The following TUB variants were observed in gnomAD, a reference collection of about 807,000 sequenced individuals.
TUB encodes the protein tubby protein homolog.
Under a neutral mutation model 59.7 loss-of-function variants are expected in TUB, and 33 were observed. The observed-to-expected ratio is 0.55, with a 90% confidence interval of 0.42 to 0.74. TUB has a LOEUF of 0.74. TUB is among the 30% of genes least tolerant of loss of function. The probability of loss-of-function intolerance (pLI) is 0.00; values close to 1 mark genes in which losing one functional copy is unlikely to be tolerated. For synonymous variants in TUB, 293 were observed against 256.4 expected, an observed-to-expected ratio of 1.14 and a Z score of -1.36; for missense variants, 659 against 672.0, an observed-to-expected ratio of 0.98 and a Z score of 0.21.
intron 2 of TUB, among the ~76,000 whole-genome samples, chr11:8,057,251 C>A (rs7942171): frequency 0.75 from 113,833 of 152,084 alleles, 43,264 homozygotes; most frequent in African/African-American, 0.81. Context: ...TGTTATTAAG[C>A]ATCAAACTGG....
rs1417870722 is a variant in TUB, at chr11:8,094,097, C to T, written c.305C>T (p.Thr102Ile). 1.2e-5 allele frequency: 20 copies of T among 1,614,072 alleles called. No individual in the cohort carries two copies. The highest frequency in any genetic ancestry group is 1.7e-5 in the Admixed American group (1 of 60,006). The change falls in exon 4 of 12, where the codon ACA becomes ATA. Residue 102 changes from threonine to isoleucine, a missense_variant. Physicochemically the swap from Thr to Ile is moderately conservative, Grantham distance 89. Around this residue, in one of 3 missense-constraint regions of TUB, gnomAD observed 321 missense variants for 304.3 expected, o/e 1.05. Coordinates refer to ENST00000299506, the MANE Select transcript of TUB (RefSeq NM_177972.3). ...ASVQLGATRPTAPASAKRTKA... is the reference protein window; with the variant it reads ...ASVQLGATRPIAPASAKRTKA... Reference sequence around the variant, plus strand: ...GTGCAGCTGGGAGCCACGCGCCCAACAGCACCAGCTTCAGCCAAGAGAACC... The same window carrying T: ...GTGCAGCTGGGAGCCACGCGCCCAATAGCACCAGCTTCAGCCAAGAGAACC...
At chr11:8,092,756 C>A (rs1041062216) in intron 3 of TUB, among the ~76,000 whole-genome samples, 9 of 152,208 alleles carry the variant, frequency 5.9e-5, no homozygotes, top group African/African-American at 2.2e-4. Flanking sequence ...GCTGCACACA[C>A]GCGTGGCCTA....
At chr11:8,098,298 C>T (rs2133885782) in intron 8 of TUB, among the ~76,000 whole-genome samples, 1 of 152,152 alleles carries the variant, frequency 6.6e-6, no homozygotes, top group Admixed American at 6.5e-5. Flanking sequence ...GAACTGAGTA[C>T]CAGATTTGGG....
intron 2 of TUB, among the ~76,000 whole-genome samples, chr11:8,052,469 T>C (rs1942947918): frequency 7.3e-6 from 1 of 137,424 alleles, no homozygotes; most frequent in Non-Finnish European, 1.6e-5. Flanking sequence ...TAGGACCTTT[T>C]TTTTTTTTTT....
intron 2 of TUB, among the ~76,000 whole-genome samples, chr11:8,042,886 G>C (rs1333372580): frequency 6.6e-6 from 1 of 152,110 alleles, no homozygotes; most frequent in Non-Finnish European, 1.5e-5. Context: ...ATTCTATTCT[G>C]TGGTTGTCTT....
intron 3 of TUB, among the ~76,000 whole-genome samples, chr11:8,093,675 T>C (rs2133849968): frequency 6.6e-6 from 1 of 152,288 alleles, no homozygotes; most frequent in East Asian, 1.9e-4. Flanking sequence ...CAGCCTTTGT[T>C]CTTTCTTCCC....
upstream of TUB, among the ~76,000 whole-genome samples, chr11:8,034,859 T>C (rs956669722): frequency 6.6e-6 from 1 of 152,058 alleles, no homozygotes; most frequent in African/African-American, 2.4e-5. Context: ...ATGGAGGGGG[T>C]CCATGTGCAT....
intron 2 of TUB, among the ~76,000 whole-genome samples, chr11:8,046,273 C>T (rs1325266555): frequency 6.6e-6 from 1 of 152,152 alleles, no homozygotes; most frequent in Non-Finnish European, 1.5e-5. Flanking sequence ...ATCTATTTCA[C>T]CGGTTTTTAA....
chr11:8,079,346 G>C (rs113708272), upstream of TUB, among the ~76,000 whole-genome samples: 4 of 152,194 alleles, frequency 2.6e-5, no homozygotes, highest in African/African-American at 9.6e-5. Context: ...GAGGCCTCTG[G>C]GGCAATGCTT....
chr11:8,086,494 G>A (rs1191230273), intron 1 of TUB, among the ~76,000 whole-genome samples: 3 of 152,138 alleles, frequency 2.0e-5, no homozygotes, highest in Non-Finnish European at 4.4e-5. Flanking sequence ...GCTGTTGGCT[G>A]GGGATTCTTT....
chr11:8,097,550 G>T, intron 7 of TUB, 125 bp downstream of exon 7: 1 of 1,403,184 alleles, frequency 7.1e-7, no homozygotes, highest in Non-Finnish European at 1.0e-6. Flanking sequence ...AACTGCCTTC[G>T]TGTCTGGTCT....
intron 2 of TUB, among the ~76,000 whole-genome samples, chr11:8,055,593 A>C (rs943734244): frequency 1.3e-5 from 2 of 152,254 alleles, no homozygotes; most frequent in African/African-American, 2.4e-5. Flanking sequence ...ATGGGAGCAG[A>C]CAGACAGAGG....
intron 2 of TUB, chr11:8,075,754 T>C (rs60660475): frequency 0.18 from 27,915 of 151,972 alleles, 3,441 homozygotes; most frequent in African/African-American, 0.34. Context: ...AGTTACACCA[T>C]CTCTTTCCCA....
In TUB at chr11:8,082,561, A is replaced by T. The variant is rs531523285; in HGVS notation, c.38+1013A>T. Among the ~76,000 whole-genome samples the T allele has an allele frequency of 2.6e-5, 4 of 152,324 alleles. No individual in the cohort carries two copies. The South Asian group carries it at 8.3e-4, about 32-fold the overall frequency. On this transcript the variant is annotated intron_variant, in intron 1 of 11. Coordinates refer to ENST00000299506, the MANE Select transcript of TUB (RefSeq NM_177972.3). Reference sequence around the variant, plus strand: ...AATGGGTGCTGGACTCCTAAGGCCCACTGTGTTATTGTCGACCCAGGTGCA... The same window carrying T: ...AATGGGTGCTGGACTCCTAAGGCCCTCTGTGTTATTGTCGACCCAGGTGCA...
chr11:8,050,766 T>C (rs1394836308), intron 2 of TUB, among the ~76,000 whole-genome samples: 1 of 152,248 alleles, frequency 6.6e-6, no homozygotes, highest in East Asian at 1.9e-4. Flanking sequence ...GCCATCTAAC[T>C]AGAAGATATT....
intron 2 of TUB, among the ~76,000 whole-genome samples, chr11:8,042,542 T>C (rs1942769890): frequency 6.6e-6 from 1 of 152,232 alleles, no homozygotes; most frequent in African/African-American, 2.4e-5. Flanking sequence ...TCCCAAGTGG[T>C]TGCTGCATTT....
intron 2 of TUB, among the ~76,000 whole-genome samples, chr11:8,055,646 G>T (rs1943008321): frequency 6.6e-6 from 1 of 152,246 alleles, no homozygotes; most frequent in African/African-American, 2.4e-5. Context: ...TGGGCTGGGG[G>T]TGGGGGCAAG....
chr11:8,089,279 G>A (rs1943726774), intron 1 of TUB, among the ~76,000 whole-genome samples: 3 of 152,140 alleles, frequency 2.0e-5, no homozygotes, highest in African/African-American at 7.2e-5. Context: ...GCTTGTTGCT[G>A]GGATGCCTCT....
intron 2 of TUB, among the ~76,000 whole-genome samples, chr11:8,046,785 T>C (rs1283570310): frequency 6.6e-6 from 1 of 152,184 alleles, no homozygotes; most frequent in African/African-American, 2.4e-5. Flanking sequence ...CATCCCCCAC[T>C]TAATGTATTT....
Sources: allele counts gnomAD v4.1 joint callset (sites outside exome capture counted in the v4.1 genomes callset), GRCh38; gene constraint gnomAD v4.1.1; regional missense constraint gnomAD v4.1.1; transcripts MANE v1.5; gene names NCBI Gene and HGNC (gene_info 2026-07-23, HGNC 2026-07-21).